GALNTL6: variants seen among roughly 807,000 people sequenced by gnomAD.
GALNTL6 encodes the protein polypeptide N-acetylgalactosaminyltransferase like 6, also known as polypeptide N-acetylgalactosaminyltransferase-like 6.
GALNTL6 carries 46 observed loss-of-function variants against 73.7 expected under a neutral mutation model. That is an observed-to-expected ratio of 0.62 (90% CI 0.49 to 0.80). The LOEUF is 0.80. Among genes scored for constraint, GALNTL6 ranks in the 30% least tolerant of loss-of-function variants. The probability of loss-of-function intolerance (pLI) is 0.00; values close to 1 mark genes in which losing one functional copy is unlikely to be tolerated. For synonymous variants in GALNTL6, 259 were observed against 263.7 expected (o/e 0.98, Z 0.17); for missense variants, 604 against 755.0 (o/e 0.80, Z 2.34).
At chr4:173,002,088 C>T (rs78050397) in intron 10 of GALNTL6, among the ~76,000 whole-genome samples, 3,096 of 152,254 alleles carry the variant, frequency 0.02, 104 homozygotes, top group African/African-American at 0.07. Flanking sequence ...GCATTATTCA[C>T]AGTAGCCAAA....
chr4:172,270,153 C>T (rs1738590574), intron 3 of GALNTL6, among the ~76,000 whole-genome samples: 1 of 151,660 alleles, frequency 6.6e-6, no homozygotes, highest in Non-Finnish European at 1.5e-5. Flanking sequence ...ATTTCCACTC[C>T]TTTTACTTCT....
intron 10 of GALNTL6, among the ~76,000 whole-genome samples, chr4:172,956,396 G>C (rs1190398413): frequency 6.6e-6 from 1 of 152,210 alleles, no homozygotes; most frequent in Non-Finnish European, 1.5e-5. Context: ...GAATTGGGAA[G>C]ACCTAGGACA....
At chr4:171,901,370 C>A (rs1459539319) in intron 2 of GALNTL6, among the ~76,000 whole-genome samples, 1 of 152,150 alleles carries the variant, frequency 6.6e-6, no homozygotes, top group African/African-American at 2.4e-5. Context: ...CATACATGAA[C>A]CTTTCCAGTA....
intron 8 of GALNTL6, among the ~76,000 whole-genome samples, chr4:172,909,182 A>G (rs1176378649): frequency 1.3e-5 from 2 of 151,876 alleles, no homozygotes; most frequent in Non-Finnish European, 2.9e-5. Context: ...ATTGAATCCC[A>G]CACTTCATAC....
chr4:172,206,805 G>GTTTGTTTTTTTTTTTTTTTTTTTTT lies in GALNTL6; in HGVS notation c.139-22848_139-22847insGTTTTTTTTTTTTTTTTTTTTTTTT, dbSNP rs1554003003. Among the ~76,000 whole-genome samples, 36 of 26,164 alleles carry GTTTGTTTTTTTTTTTTTTTTTTTTT rather than the reference G, an allele frequency of 1.4e-3. 3 individuals are homozygous for GTTTGTTTTTTTTTTTTTTTTTTTTT. The highest frequency in any genetic ancestry group is 6.1e-3 in the South Asian group (2 of 326). The allele number at this position is 26,164 out of a possible 152,430, so 17.2% of individuals were successfully genotyped here. On this transcript the variant is annotated intron_variant, in intron 2 of 12. Transcript: ENST00000506823. The stretch of plus-strand genomic sequence containing the variant: ...TTGTTTTGTTTTGTTTTGTTTTTCT[G>GTTTGTTTTTTTTTTTTTTTTTTTTT]TTTTTTTTGTTTGTTTTTTTTTTTT...
intron 5 of GALNTL6, among the ~76,000 whole-genome samples, chr4:172,445,598 G>A (rs1400059264): frequency 9.2e-5 from 14 of 152,068 alleles, no homozygotes; most frequent in Non-Finnish European, 1.9e-4. Context: ...TCTTTTATGA[G>A]CCTTCTATTT....
At chr4:172,177,369 G>A (rs1334192237) in intron 2 of GALNTL6, among the ~76,000 whole-genome samples, 1 of 152,014 alleles carries the variant, frequency 6.6e-6, no homozygotes, top group Non-Finnish European at 1.5e-5. Context: ...GATTTTCCTT[G>A]GATAATGAAT....
chr4:173,035,352 A>G (rs1753650317), intron 12 of GALNTL6, among the ~76,000 whole-genome samples: 1 of 150,732 alleles, frequency 6.6e-6, no homozygotes, highest in Non-Finnish European at 1.5e-5. Context: ...CTAATTTTGT[A>G]TTTTTAGTAC....
chr4:172,542,420 T>C (rs1290296134), intron 5 of GALNTL6, among the ~76,000 whole-genome samples: 1 of 152,274 alleles, frequency 6.6e-6, no homozygotes, highest in East Asian at 1.9e-4. Flanking sequence ...GCGTTCTTTG[T>C]TAGAAAATGA....
chr4:172,033,910 A>T (rs12647912), intron 2 of GALNTL6, among the ~76,000 whole-genome samples: 54,604 of 152,022 alleles, frequency 0.36, 11,470 homozygotes, highest in South Asian at 0.52. Flanking sequence ...TTATCTGTGT[A>T]TATCCTAATA....
chr4:171,943,894 A>G (rs933591794), intron 2 of GALNTL6, among the ~76,000 whole-genome samples: 2 of 138,790 alleles, frequency 1.4e-5, no homozygotes, highest in Non-Finnish European at 3.2e-5. Flanking sequence ...TTAAGAGACT[A>G]GAATGCAAAG....
chr4:172,467,649 C>T (rs922319217), intron 5 of GALNTL6, among the ~76,000 whole-genome samples: 2 of 152,042 alleles, frequency 1.3e-5, no homozygotes, highest in African/African-American at 4.8e-5. Context: ...ATAAGACTAG[C>T]CCACATTTAA....
At chr4:172,078,272 G>T (rs1268073537) in intron 2 of GALNTL6, among the ~76,000 whole-genome samples, 1 of 152,082 alleles carries the variant, frequency 6.6e-6, no homozygotes, top group Non-Finnish European at 1.5e-5. Context: ...GATATGTGAT[G>T]GCTTAAAAGT....
intron 7 of GALNTL6, among the ~76,000 whole-genome samples, chr4:172,860,129 T>G (rs1040719294): frequency 6.6e-6 from 1 of 152,178 alleles, no homozygotes; most frequent in African/African-American, 2.4e-5. Context: ...TGGGGACCAC[T>G]GCTCAATGAT....
intron 5 of GALNTL6, among the ~76,000 whole-genome samples, chr4:172,562,040 C>T (rs1279483164): frequency 3.9e-5 from 6 of 152,070 alleles, no homozygotes; most frequent in Admixed American, 3.9e-4. Flanking sequence ...ATTTATGAAC[C>T]TAAATTTTTT....
chr4:171,844,660 C>T (rs993646267), intron 2 of GALNTL6, among the ~76,000 whole-genome samples: 4 of 151,996 alleles, frequency 2.6e-5, no homozygotes, highest in Non-Finnish European at 5.9e-5. Context: ...GTGCTGGATA[C>T]GGAGCTGTGA....
At chr4:172,008,999 AAG>A (rs935668307) in intron 2 of GALNTL6, among the ~76,000 whole-genome samples, 38 of 152,262 alleles carry the variant, frequency 2.5e-4, no homozygotes, top group African/African-American at 8.7e-4. Context: ...AAGATGGAGA[AAG>A]AGAGAAAATT....
chr4:172,819,115 T>A (rs1455620747), intron 7 of GALNTL6, among the ~76,000 whole-genome samples: 1 of 152,238 alleles, frequency 6.6e-6, no homozygotes, highest in East Asian at 1.9e-4. Context: ...GAGCTGGTTC[T>A]GCAGTCCAGA....
chr4:173,008,133 C>A (rs1752380835), intron 10 of GALNTL6, among the ~76,000 whole-genome samples: 1 of 152,116 alleles, frequency 6.6e-6, no homozygotes, highest in African/African-American at 2.4e-5. Context: ...AGACCAAGAC[C>A]ATTGTAGCCA....
Sources: allele counts gnomAD v4.1 joint callset (sites outside exome capture counted in the v4.1 genomes callset), GRCh38; gene constraint gnomAD v4.1.1; transcripts MANE v1.5; gene names NCBI Gene and HGNC (gene_info 2026-07-23, HGNC 2026-07-21).